PTBP3: variants seen among roughly 807,000 people sequenced by gnomAD.
PTBP3 encodes the protein polypyrimidine tract binding protein 3.
In PTBP3, 20 loss-of-function variants were observed where a neutral mutation model predicts 58.7. The observed-to-expected ratio is 0.34, with a 90% CI of 0.24 to 0.50. PTBP3 has a LOEUF of 0.50. Among genes scored for constraint, PTBP3 ranks in the 20% least tolerant of loss-of-function variants. PTBP3 has a pLI of 0.98. For synonymous variants in PTBP3, 185 were observed against 219.8 expected, an observed-to-expected ratio of 0.84 and a Z score of 1.40; for missense variants, 509 against 637.2, an observed-to-expected ratio of 0.80 and a Z score of 2.17.
At position 112,332,978 on chromosome 9, in the gene PTBP3, C is replaced by T. The variant is rs1830439044; in HGVS notation, c.-52+492G>A. 3 of 1,354,612 alleles carry T rather than the reference C, an allele frequency of 2.2e-6. No individual in the cohort carries two copies. The South Asian group carries it at 6.1e-5, about 28-fold the overall frequency. The allele number at this position is 1,354,612 out of a possible 1,614,324, so 83.9% of individuals were successfully genotyped here. A position where few individuals can be genotyped will look rare whatever the true frequency, so the allele number is the denominator to read the frequency against. ...CATGGCTTGCGACCAGGTCGCCGCC[C>T]AGACGTGTACCGACGCGTGCACCCG... On this transcript the variant is annotated intron_variant, in intron 1 of 13. Coordinates refer to ENST00000374257, the MANE Select transcript of PTBP3 (RefSeq NM_001163788.4).
At chr9:112,287,346 T>G (rs1389821090) in intron 2 of PTBP3, among the ~76,000 whole-genome samples, 1 of 145,106 alleles carries the variant, frequency 6.9e-6, no homozygotes, top group Non-Finnish European at 1.5e-5. Context: ...TTTTTGTTTT[T>G]TTTTTTTTTT....
chr9:112,244,491 C>T (rs1835800028), intron 7 of PTBP3, among the ~76,000 whole-genome samples: 1 of 151,240 alleles, frequency 6.6e-6, no homozygotes, highest in Non-Finnish European at 1.5e-5. Context: ...CTAGGTAATA[C>T]AGAGGGACCC....
intron 7 of PTBP3, among the ~76,000 whole-genome samples, chr9:112,243,929 T>C (rs567410067): frequency 6.6e-6 from 1 of 152,202 alleles, no homozygotes; most frequent in Admixed American, 6.5e-5. Context: ...TCATAAATAA[T>C]AGGTCCAGAA....
intron 7 of PTBP3, among the ~76,000 whole-genome samples, chr9:112,250,510 G>C (rs1836066418): frequency 6.6e-6 from 1 of 151,944 alleles, no homozygotes; most frequent in Non-Finnish European, 1.5e-5. Flanking sequence ...CCTCTTCTTT[G>C]AATAAAAGAT....
At chr9:112,333,336 C>T (rs1830461099) in intron 1 of PTBP3, 134 bp downstream of exon 1, 1 of 1,112,134 alleles carries the variant, frequency 9.0e-7, no homozygotes, top group Admixed American at 4.3e-5. Context: ...GCCCCGCCGT[C>T]GGGCTTGGCC....
intron 4 of PTBP3, among the ~76,000 whole-genome samples, chr9:112,263,325 AC>A (rs1015412662): frequency 3.3e-5 from 5 of 152,214 alleles, no homozygotes; most frequent in Non-Finnish European, 7.3e-5. Context: ...GTCTTAAAGT[AC>A]CTGCCCACAA....
At chr9:112,307,511 T>C (rs982809153) in intron 1 of PTBP3, among the ~76,000 whole-genome samples, 1 of 152,186 alleles carries the variant, frequency 6.6e-6, no homozygotes, top group Non-Finnish European at 1.5e-5. Flanking sequence ...AAATGTTTTA[T>C]CATTCTTTAT....
Position 112,280,839 on chromosome 9 carries a change from TAA to T in PTBP3, c.35-4828_35-4827del, listed in dbSNP as rs796762462. ...TAGTTTAGAGATCACTAGTTTGTTA[TAA>T]GAGAGATACAACATTTACATAATGA... On this transcript the variant is annotated intron_variant, in intron 2 of 13. Coordinates refer to ENST00000374257, the MANE Select transcript of PTBP3 (RefSeq NM_001163788.4). 24 of 68,438 alleles carry T rather than the reference TAA, an allele frequency of 3.5e-4. No homozygotes were observed. The South Asian group carries it at 6.9e-3, about 20-fold the overall frequency. 4.2% of individuals were successfully genotyped at this position (68,438 alleles called of 1,614,324 possible). A position where few individuals can be genotyped will look rare whatever the true frequency, so the allele number is the denominator to read the frequency against.
At position 112,253,345 on chromosome 9, in the gene PTBP3, C is replaced by T. The variant is rs570865323; in HGVS notation, c.517-557G>A. ...AATAAAAGAAGGGAAGGGGTGAGCA[C>T]GAACCAGAATGCAAGATGAGACAGT... On this transcript the variant is annotated intron_variant, in intron 5 of 13. Coordinates refer to ENST00000374257, the MANE Select transcript of PTBP3 (RefSeq NM_001163788.4). 5.9e-5 allele frequency among the ~76,000 whole-genome samples: 9 copies of T among 152,208 alleles called. No individual in the cohort carries two copies. In the South Asian group the frequency reaches 6.2e-4, roughly 11 times the overall value.
chr9:112,270,482 AC>A (rs1295796377), intron 3 of PTBP3, among the ~76,000 whole-genome samples: 1 of 152,174 alleles, frequency 6.6e-6, no homozygotes, highest in African/African-American at 2.4e-5. Flanking sequence ...AAAATAATCT[AC>A]GCTTTTGAAT....
intron 6 of PTBP3, among the ~76,000 whole-genome samples, chr9:112,251,835 T>C (rs937723468): frequency 1.3e-5 from 2 of 152,156 alleles, no homozygotes; most frequent in Admixed American, 6.5e-5. Flanking sequence ...ATAATGGTAA[T>C]TGACAAGTAT....
rs181216965 is a variant in PTBP3 at position 112,271,649 on chromosome 9, C to G, written c.205-3454G>C. ...GCTGAGGCAGCAGTATCACTTGAAC[C>G]TGGGAGGCAGAAGTTGCAGTGAGGT... On this transcript the variant is annotated intron_variant, in intron 3 of 13. Coordinates refer to ENST00000374257, the MANE Select transcript of PTBP3 (RefSeq NM_001163788.4). 3.7e-4 allele frequency among the ~76,000 whole-genome samples: 57 copies of G among 152,132 alleles called. 1 individual carries two copies. The highest frequency in any genetic ancestry group is 1.2e-3 in the African/African-American group (50 of 41,512).
At chr9:112,240,648 G>GTTTTTTTTT (rs35228236) in intron 7 of PTBP3, among the ~76,000 whole-genome samples, 1 of 147,352 alleles carries the variant, frequency 6.8e-6, no homozygotes. Context: ...ACTCCTACTT[G>GTTTTTTTTT]TTTTTTTTTT....
chr9:112,331,128 A>ACACAC (rs1564469969), intron 1 of PTBP3, among the ~76,000 whole-genome samples: 16 of 109,524 alleles, frequency 1.5e-4, no homozygotes, highest in African/African-American at 4.9e-4. Flanking sequence ...CACACACACG[A>ACACAC]GAGACAGTTG....
At chr9:112,244,289 C>CAAAAAAAAAAAAAAA (rs56052359) in intron 7 of PTBP3, among the ~76,000 whole-genome samples, 4,135 of 35,948 alleles carry the variant, frequency 0.12, 1,145 homozygotes, top group Non-Finnish European at 0.14. Flanking sequence ...GACTCTGTCT[C>CAAAAAAAAAAAAAAA]AAAAAAAAAA....
chr9:112,374,247 G>A, the PTBP3 span, among the ~76,000 whole-genome samples: 1 of 152,138 alleles, frequency 6.6e-6, no homozygotes, highest in Non-Finnish European at 1.5e-5. Flanking sequence ...AAATGTCCAG[G>A]TGGCAATCTT....
the PTBP3 span, among the ~76,000 whole-genome samples, chr9:112,365,681 C>T: frequency 5.9e-5 from 9 of 151,958 alleles, no homozygotes; most frequent in Non-Finnish European, 1.2e-4. Flanking sequence ...ACTTTGGAAC[C>T]GGTAATAGAC....
chr9:112,293,965 C>T (rs555438967), intron 2 of PTBP3, among the ~76,000 whole-genome samples: 3 of 152,318 alleles, frequency 2.0e-5, no homozygotes, highest in Non-Finnish European at 2.9e-5. Context: ...GTCTGTATTA[C>T]GGTTCTATTA....
intron 1 of PTBP3, among the ~76,000 whole-genome samples, chr9:112,331,627 G>T (rs1227755509): frequency 6.6e-6 from 1 of 152,160 alleles, no homozygotes; most frequent in South Asian, 2.1e-4. Context: ...AAATAAAATG[G>T]TGTAACACTA....
Sources: gnomAD v4.1 joint callset for allele counts (sites outside exome capture counted in the v4.1 genomes callset) on GRCh38, gnomAD v4.1.1 for gene constraint, MANE v1.5 for transcripts, NCBI Gene and HGNC (gene_info 2026-07-23, HGNC 2026-07-21) for gene names.